PTPRD: variants seen among roughly 807,000 people sequenced by gnomAD.
PTPRD encodes the protein receptor-type tyrosine-protein phosphatase delta.
In PTPRD, 34 loss-of-function variants were observed where a neutral mutation model predicts 214.5. The ratio of observed to expected loss-of-function variants is 0.16; its 90% CI spans 0.12 to 0.21. PTPRD has a LOEUF of 0.21. Ranked by LOEUF, PTPRD falls within the 10% of genes least tolerant of loss-of-function variation. PTPRD has a pLI of 1.00. For missense variants in PTPRD, 2,545 were observed against 2,398.7 expected, an observed-to-expected ratio of 1.06 and a Z score of -1.27; for synonymous variants, 1,128 against 845.7, an observed-to-expected ratio of 1.33 and a Z score of -5.79.
intron 11 of PTPRD, among the ~76,000 whole-genome samples, chr9:8,967,228 A>T (rs2099202390): frequency 1.3e-5 from 2 of 152,154 alleles, no homozygotes; most frequent in Admixed American, 6.5e-5. Flanking sequence ...CCACTATGGA[A>T]AGCAGTTTGG....
intron 21 of PTPRD, among the ~76,000 whole-genome samples, chr9:8,510,335 G>A (rs1379898744): frequency 1.3e-5 from 2 of 151,960 alleles, no homozygotes; most frequent in Admixed American, 1.3e-4. Flanking sequence ...TAAACATGTG[G>A]TGCGAATACA....
chr9:9,946,124 T>C (rs887967526), intron 4 of PTPRD, among the ~76,000 whole-genome samples: 1 of 122,200 alleles, frequency 8.2e-6, no homozygotes, highest in Admixed American at 8.3e-5. Context: ...AAATCTGCCA[T>C]GCATACTAAA....
At chr9:8,421,357 CTCTT>C (rs2094348804) in intron 35 of PTPRD, among the ~76,000 whole-genome samples, 1 of 141,954 alleles carries the variant, frequency 7.0e-6, no homozygotes, top group Non-Finnish European at 1.6e-5. Flanking sequence ...TTCTTCTTCT[CTCTT>C]CTCTTCTCTT....
intron 3 of PTPRD, among the ~76,000 whole-genome samples, chr9:10,169,473 C>CAAAAAAAAA (rs59335943): frequency 9.7e-4 from 65 of 66,806 alleles, no homozygotes; most frequent in African/African-American, 2.8e-3. Context: ...GACTCTGTCT[C>CAAAAAAAAA]AAAAAAAAAA....
At chr9:9,796,612 G>GA (rs1171190640) in intron 5 of PTPRD, among the ~76,000 whole-genome samples, 3 of 152,082 alleles carry the variant, frequency 2.0e-5, no homozygotes, top group Admixed American at 2.0e-4. Flanking sequence ...GGAGTAAAAT[G>GA]AGGAACCAAA....
chr9:10,574,618 G>C (rs1032964770), intron 2 of PTPRD, among the ~76,000 whole-genome samples: 3 of 151,950 alleles, frequency 2.0e-5, no homozygotes, highest in Non-Finnish European at 2.9e-5. Context: ...TGTTCATTAA[G>C]ATTTTGAATA....
intron 10 of PTPRD, among the ~76,000 whole-genome samples, chr9:9,058,802 G>C (rs984516316): frequency 4.6e-5 from 7 of 152,018 alleles, no homozygotes; most frequent in African/African-American, 1.7e-4. Context: ...GAGAGGTTGT[G>C]AAAAAACATG....
At chr9:9,920,373 T>C (rs761872974) in intron 5 of PTPRD, among the ~76,000 whole-genome samples, 4 of 152,134 alleles carry the variant, frequency 2.6e-5, no homozygotes, top group Non-Finnish European at 4.4e-5. Flanking sequence ...TCAATATCCC[T>C]GCTGTTTCAT....
chr9:9,841,573 G>C (rs1053103084), intron 5 of PTPRD, among the ~76,000 whole-genome samples: 1 of 152,108 alleles, frequency 6.6e-6, no homozygotes, highest in Admixed American at 6.6e-5. Context: ...CATGGACCTA[G>C]CGATAGAACG....
At chr9:8,961,844 T>C (rs1291339174) in intron 11 of PTPRD, among the ~76,000 whole-genome samples, 1 of 152,112 alleles carries the variant, frequency 6.6e-6, no homozygotes, top group African/African-American at 2.4e-5. Flanking sequence ...GTACCCCATG[T>C]GACAGTTTAG....
At chr9:9,201,371 T>G (rs556351097) in intron 9 of PTPRD, among the ~76,000 whole-genome samples, 1 of 152,202 alleles carries the variant, frequency 6.6e-6, no homozygotes, top group African/African-American at 2.4e-5. Flanking sequence ...GAATGCTTAT[T>G]TGGACAACTA....
chr9:10,238,260 C>A (rs1046761152), intron 3 of PTPRD, among the ~76,000 whole-genome samples: 3 of 151,702 alleles, frequency 2.0e-5, no homozygotes, highest in Non-Finnish European at 4.4e-5. Context: ...GCTGCTGAAA[C>A]TGCCTGTTGT....
chr9:10,092,619 A>T (rs952062660), intron 3 of PTPRD, among the ~76,000 whole-genome samples: 1 of 151,212 alleles, frequency 6.6e-6, no homozygotes, highest in African/African-American at 2.4e-5. Context: ...ATTATTCTAA[A>T]ATTCAAAAAA....
intron 7 of PTPRD, among the ~76,000 whole-genome samples, chr9:9,597,126 C>T (rs937477534): frequency 6.6e-6 from 1 of 151,976 alleles, no homozygotes; most frequent in Non-Finnish European, 1.5e-5. Flanking sequence ...CCTTAAACAT[C>T]TTCCTGCTCT....
At position 9,579,262 on chromosome 9, in the gene PTPRD, CAAG is replaced by C. The variant is rs2090005762; in HGVS notation, c.-286-4484_-286-4482del. Among the ~76,000 whole-genome samples, 4 of 152,060 alleles carry C rather than the reference CAAG, an allele frequency of 2.6e-5. No individual in the cohort carries two copies. In the South Asian group the frequency reaches 8.3e-4, roughly 32 times the overall value. On this transcript the variant is annotated intron_variant, in intron 7 of 45. Coordinates refer to ENST00000381196, the MANE Select transcript of PTPRD (RefSeq NM_002839.4). ...CATTTACTGAACACATACTAAGTGC[CAAG>C]AAGTGTGTCAAAGTCTTTAAGTTCA...
intron 2 of PTPRD, among the ~76,000 whole-genome samples, chr9:10,420,863 T>C (rs146262892): frequency 2.0e-5 from 3 of 151,942 alleles, no homozygotes; most frequent in East Asian, 3.9e-4. Context: ...TTATAAGTTA[T>C]TGTAATGAAT....
intron 9 of PTPRD, among the ~76,000 whole-genome samples, chr9:9,228,263 T>G (rs2099960818): frequency 6.6e-6 from 1 of 152,120 alleles, no homozygotes. Flanking sequence ...TTAAATAGGA[T>G]GTGGTCAGCT....
At chr9:10,059,287 C>G (rs1189196304) in intron 3 of PTPRD, among the ~76,000 whole-genome samples, 1 of 152,100 alleles carries the variant, frequency 6.6e-6, no homozygotes, top group African/African-American at 2.4e-5. Context: ...TTCCATGTTG[C>G]GCAATACTCA....
chr9:9,947,346 A>AATATATATTATATATTATATATATT (rs2092733397), intron 4 of PTPRD, among the ~76,000 whole-genome samples: 3 of 43,690 alleles, frequency 6.9e-5, no homozygotes, highest in African/African-American at 3.5e-4. Flanking sequence ...TTATATATAT[A>AATATATATTATATATTATATATATT]ATATATATTA....
Sources: gnomAD v4.1 joint callset for allele counts (sites outside exome capture counted in the v4.1 genomes callset) on GRCh38, gnomAD v4.1.1 for gene constraint, MANE v1.5 for transcripts, NCBI Gene and HGNC (gene_info 2026-07-23, HGNC 2026-07-21) for gene names.